The following LIMS2 variants were observed in gnomAD, a reference collection of about 807,000 sequenced individuals.
LIMS2 encodes the protein LIM and senescent cell antigen-like-containing domain protein 2.
A neutral mutation model predicts 45.3 loss-of-function variants in LIMS2; 30 were observed. The ratio of observed to expected loss-of-function variants is 0.66; its 90% CI spans 0.50 to 0.90. The LOEUF (loss-of-function observed/expected upper bound fraction) is 0.90. Among genes scored for constraint, LIMS2 ranks in the 40% least tolerant of loss-of-function variants. The probability of loss-of-function intolerance (pLI) is 0.00; values close to 1 mark genes in which losing one functional copy is unlikely to be tolerated. For synonymous variants in LIMS2, 173 were observed against 188.0 expected, an observed-to-expected ratio of 0.92 and a Z score of 0.65; for missense variants, 485 against 468.7, an observed-to-expected ratio of 1.03 and a Z score of -0.32.
At chr2:127,650,081 TAA>T in intron 4 of LIMS2, 1 of 1,600,706 alleles carries the variant, frequency 6.2e-7, no homozygotes, top group Non-Finnish European at 8.5e-7. Context: ...CTCAGGTGGG[TAA>T]AAAGAGTAGA....
intron 1 of LIMS2, among the ~76,000 whole-genome samples, chr2:127,670,580 G>T (rs1384072659): frequency 6.6e-6 from 1 of 152,244 alleles, no homozygotes; most frequent in Admixed American, 6.5e-5. Flanking sequence ...GTGAATGCAC[G>T]AAAAACCACT....
chr2:127,644,526 A>G (rs913494479), intron 4 of LIMS2, among the ~76,000 whole-genome samples: 9 of 152,176 alleles, frequency 5.9e-5, no homozygotes, highest in African/African-American at 2.2e-4. Flanking sequence ...TATGGCGGCC[A>G]GCCCATGCCC....
intron 1 of LIMS2, among the ~76,000 whole-genome samples, chr2:127,659,102 G>A (rs955765414): frequency 6.6e-6 from 1 of 152,126 alleles, no homozygotes; most frequent in African/African-American, 2.4e-5. Flanking sequence ...GTGGGCGGAG[G>A]GTCTCACAGG....
intron 3 of LIMS2, 106 bp from the exon 4 acceptor site, chr2:127,654,650 C>A: frequency 3.2e-6 from 5 of 1,560,154 alleles, no homozygotes; most frequent in Non-Finnish European, 1.8e-6. Flanking sequence ...CTGCCTGGCC[C>A]ATGGGCTCCC....
chr2:127,656,467 G>A (rs1311777369), intron 2 of LIMS2, among the ~76,000 whole-genome samples: 1 of 148,902 alleles, frequency 6.7e-6, no homozygotes, highest in Non-Finnish European at 1.5e-5. Context: ...AGGCTGGAGT[G>A]CAATGGCGCG....
intron 4 of LIMS2, among the ~76,000 whole-genome samples, chr2:127,644,512 C>T (rs1180124909): frequency 6.6e-6 from 1 of 152,210 alleles, no homozygotes; most frequent in Non-Finnish European, 1.5e-5. Flanking sequence ...CCCCACCTGG[C>T]GCCTATGGCG....
Position 127,638,926 on chromosome 2 carries a change from G to A in LIMS2, c.*355C>T, listed in dbSNP as rs1322371941. On this transcript the variant is annotated 3_prime_UTR_variant, in exon 10 of 10. Coordinates refer to ENST00000355119, the MANE Select transcript of LIMS2 (RefSeq NM_001161403.3). Reference sequence around the variant, plus strand: ...CAGGGGCTCTCACAGGACAGCATGAGCCACTGAGCCGCCTGGGGAGGGCCA... The same window carrying A: ...CAGGGGCTCTCACAGGACAGCATGAACCACTGAGCCGCCTGGGGAGGGCCA... 1.1e-5 allele frequency: 3 copies of A among 274,444 alleles called. No individual in the cohort carries two copies. The East Asian group carries it at 3.0e-4, about 27-fold the overall frequency. 17.0% of individuals were successfully genotyped at this position (274,444 alleles called of 1,614,324 possible).
At chr2:127,665,576 C>T (rs1255152504) in intron 1 of LIMS2, among the ~76,000 whole-genome samples, 1 of 152,198 alleles carries the variant, frequency 6.6e-6, no homozygotes, top group Admixed American at 6.5e-5. Context: ...TTAAAGGTGG[C>T]CCCAGGGGCT....
intron 7 of LIMS2, chr2:127,640,663 T>C (rs1682314224): frequency 1.7e-6 from 1 of 596,366 alleles, no homozygotes; most frequent in Non-Finnish European, 3.0e-6. Flanking sequence ...GTCAGCCCCA[T>C]GTGCCCGGGA....
chr2:127,643,978 A>G (rs2288658), intron 4 of LIMS2: 41,289 of 448,824 alleles, frequency 0.092, 2,304 homozygotes, highest in Middle Eastern at 0.15. Context: ...AAGAGATCCA[A>G]TCGCAGACCC....
chr2:127,664,582 A>G lies in LIMS2; in HGVS notation c.12-7020T>C, dbSNP rs1190734688. ...CCAAAGGGCAGCAGAGTCAACTCCA[A>G]ATAGAAAGGATATTGTTCGCGCCGC... On this transcript the variant is annotated intron_variant, in intron 1 of 9. Coordinates refer to ENST00000355119, the MANE Select transcript of LIMS2 (RefSeq NM_001161403.3). The surrounding 1 kb of genome is among the most constrained non-coding windows in gnomAD (Gnocchi z 5.5). 1.1e-5 allele frequency: 13 copies of G among 1,140,154 alleles called. No homozygotes were observed. Among genetic ancestry groups the G allele is most frequent in the Non-Finnish European group, 1.4e-5 (13 of 929,930 alleles). The allele number at this position is 1,140,154 out of a possible 1,614,324, so 70.6% of individuals were successfully genotyped here.
At chr2:127,654,699 C>A in intron 3 of LIMS2, 131 bp downstream of exon 3, 1 of 1,467,804 alleles carries the variant, frequency 6.8e-7, no homozygotes, top group Admixed American at 1.8e-5. Flanking sequence ...CTGACGGCTG[C>A]CGCTCAGAGA....
chr2:127,649,098 G>GAAA (rs376579491), intron 4 of LIMS2, among the ~76,000 whole-genome samples: 11 of 125,390 alleles, frequency 8.8e-5, no homozygotes, highest in Non-Finnish European at 1.4e-4. Context: ...AAAGAAAAAA[G>GAAA]AAAAGAAAAA....
At position 127,642,945 on chromosome 2, in the gene LIMS2, G is replaced by C. The variant is rs1316815996; in HGVS notation, c.487C>G (p.His163Asp). The change falls in exon 5 of 10, where the codon CAC (histidine) becomes GAC (aspartate). Residue 163 changes from histidine to aspartate, a missense_variant. Physicochemically the swap from His to Asp is moderately conservative, Grantham distance 81. Coordinates refer to ENST00000355119, the MANE Select transcript of LIMS2 (RefSeq NM_001161403.3). This position sits in a 1 kb window ranked among gnomAD's most constrained non-coding sequence, Gnocchi z 5.3. The part of the protein sequence containing the change: ...MFRSDAYHPD[H>D]FNCTHCGKEL... The stretch of plus-strand genomic sequence containing the variant: ...TACCCACAGTGGGTGCAGTTGAAGT[G>C]GTCAGGGTGGTAGGCGTCGCTCCTG... 3.2e-6 allele frequency: 5 copies of C among 1,565,092 alleles called. No homozygotes were observed. The highest frequency in any genetic ancestry group is 1.9e-5 in the Admixed American group (1 of 52,730).
intron 1 of LIMS2, among the ~76,000 whole-genome samples, chr2:127,658,065 A>G (rs572924105): frequency 6.0e-4 from 92 of 152,266 alleles, no homozygotes; most frequent in African/African-American, 2.1e-3. Context: ...CAATAAACAC[A>G]TAACCACCCA....
intron 2 of LIMS2, among the ~76,000 whole-genome samples, chr2:127,657,016 T>C (rs1684302424): frequency 6.6e-6 from 1 of 152,186 alleles, no homozygotes; most frequent in South Asian, 2.1e-4. Flanking sequence ...TCACCTTCCC[T>C]GAGCACCACC....
intron 1 of LIMS2, chr2:127,674,072 C>G (rs369965066): frequency 3.7e-4 from 122 of 326,506 alleles, no homozygotes; most frequent in African/African-American, 2.3e-3. Context: ...GCCTTAATGG[C>G]GATCACAGAG....
At chr2:127,678,819 A>G (rs546154712), upstream of LIMS2, among the ~76,000 whole-genome samples, 31 of 152,210 alleles carry the variant, frequency 2.0e-4, no homozygotes, top group Middle Eastern at 0.01. The surrounding 1 kb of genome is among the most constrained non-coding windows in gnomAD (Gnocchi z 5.3). Context: ...GGCCCTCCCC[A>G]GGCATCCCAG....
Position 127,642,388 on chromosome 2 carries a change from G to A in LIMS2, c.510-189C>T. 1.6e-6 allele frequency: 1 copy of A among 608,068 alleles called. No homozygotes were observed. Among genetic ancestry groups the A allele is most frequent in the Non-Finnish European group, 2.8e-6 (1 of 362,506 alleles). 37.7% of individuals were successfully genotyped at this position (608,068 alleles called of 1,614,324 possible). On this transcript the variant is annotated intron_variant, in intron 5 of 9. Transcript: ENST00000355119. The surrounding 1 kb of genome is among the most constrained non-coding windows in gnomAD (Gnocchi z 5.3). ...TGCCCCAGACAGGCCCTGGAGCACA[G>A]ACTTCCTGCACAGCCCAGAAGAGTG...
Sources: gnomAD v4.1 joint callset for allele counts (sites outside exome capture counted in the v4.1 genomes callset) on GRCh38, gnomAD v4.1.1 for gene constraint, Gnocchi (gnomAD v3.1) non-coding constraint, MANE v1.5 for transcripts, NCBI Gene and HGNC (gene_info 2026-07-23, HGNC 2026-07-21) for gene names.